Variants in FRMD4B observed in about 807,000 individuals in gnomAD.
FRMD4B encodes the protein FERM domain containing 4B, also known as FERM domain-containing protein 4B.
In FRMD4B, 74 loss-of-function variants were observed where a neutral mutation model predicts 141.5. That is an observed-to-expected ratio of 0.52 (90% CI 0.43 to 0.63). The LOEUF is 0.63. FRMD4B is among the 30% of genes least tolerant of loss of function. FRMD4B has a pLI of 0.00. For missense variants in FRMD4B, 1,366 were observed against 1,253.4 expected (o/e 1.09, Z -1.36); for synonymous variants, 506 against 467.9 (o/e 1.08, Z -1.05).
At chr3:69,329,165 A>G (rs573275209) in intron 1 of FRMD4B, among the ~76,000 whole-genome samples, 25 of 152,172 alleles carry the variant, frequency 1.6e-4, no homozygotes, top group Non-Finnish European at 2.9e-4. Flanking sequence ...CACGTGATAA[A>G]GATGAACAAA....
intron 1 of FRMD4B, among the ~76,000 whole-genome samples, chr3:69,479,157 T>G (rs993362783): frequency 2.0e-5 from 3 of 150,362 alleles, no homozygotes; most frequent in African/African-American, 7.4e-5. Context: ...TGACTCTTTA[T>G]CCAATTTGCC....
At chr3:69,519,195 G>T (rs1333354082) in intron 1 of FRMD4B, among the ~76,000 whole-genome samples, 2 of 152,194 alleles carry the variant, frequency 1.3e-5, no homozygotes, top group Admixed American at 6.5e-5. Context: ...ATATTACCAA[G>T]GTTTGGGAAG....
intron 1 of FRMD4B, among the ~76,000 whole-genome samples, chr3:69,350,994 G>A (rs1703127862): frequency 6.6e-6 from 1 of 151,834 alleles, no homozygotes; most frequent in Admixed American, 6.6e-5. Flanking sequence ...AATAAAAAAA[G>A]AAAACCAAAT....
At chr3:69,357,496 C>CGTTA (rs1226014863) in intron 1 of FRMD4B, among the ~76,000 whole-genome samples, 1 of 152,178 alleles carries the variant, frequency 6.6e-6, no homozygotes, top group African/African-American at 2.4e-5. Context: ...GGATGATCAC[C>CGTTA]TAACTGGTGA....
rs1553696831 is a variant in FRMD4B at position 69,188,775 on chromosome 3, A to AAAAAAAAAAAAAAAC, written c.1772-859_1772-858insGTTTTTTTTTTTTTT. 1.2e-3 allele frequency among the ~76,000 whole-genome samples: 182 copies of AAAAAAAAAAAAAAAC among 148,184 alleles called. 5 individuals are homozygous for AAAAAAAAAAAAAAAC. In the East Asian group the frequency reaches 0.028, roughly 23 times the overall value. On this transcript the variant is annotated intron_variant, in intron 18 of 22. Coordinates refer to ENST00000398540, the MANE Select transcript of FRMD4B (RefSeq NM_015123.3). ...CGAGACTCCGTCTCAAAAAAAAAAA[A>AAAAAAAAAAAAAAAC]AAAAAAAAACTTGGGGAAGATAAAG... is the stretch of plus-strand genomic sequence containing the variant.
intron 5 of FRMD4B, among the ~76,000 whole-genome samples, chr3:69,254,447 A>G (rs960216449): frequency 6.6e-6 from 1 of 152,192 alleles, no homozygotes; most frequent in Non-Finnish European, 1.5e-5. Flanking sequence ...GATGAGAAAC[A>G]GGACAGGATA....
At chr3:69,244,517 C>T (rs9872555) in intron 7 of FRMD4B, among the ~76,000 whole-genome samples, 2,674 of 152,260 alleles carry the variant, frequency 0.018, 78 homozygotes, top group African/African-American at 0.061. Context: ...CCTGTAGTCC[C>T]AGCTGCTTGG....
chr3:69,365,876 C>T (rs1284129786), intron 1 of FRMD4B, among the ~76,000 whole-genome samples: 7 of 152,166 alleles, frequency 4.6e-5, no homozygotes, highest in South Asian at 2.1e-4. Flanking sequence ...GAAATGCTCC[C>T]ACAAATGTTT....
At chr3:69,475,139 G>T (rs568769157) in intron 1 of FRMD4B, among the ~76,000 whole-genome samples, 3 of 152,178 alleles carry the variant, frequency 2.0e-5, no homozygotes, top group African/African-American at 7.2e-5. Context: ...CTGTTGTGAG[G>T]ATCACAGTCT....
intron 11 of FRMD4B, among the ~76,000 whole-genome samples, chr3:69,215,721 T>A (rs79046758): frequency 6.6e-6 from 1 of 152,268 alleles, no homozygotes; most frequent in East Asian, 1.9e-4. Context: ...CATTGAGAGA[T>A]CACTAGCACC....
chr3:69,431,132 G>A (rs1384402954), intron 2 of FRMD4B, among the ~76,000 whole-genome samples: 1 of 152,232 alleles, frequency 6.6e-6, no homozygotes, highest in African/African-American at 2.4e-5. Context: ...AGGGAGCTAA[G>A]GAGGTGAGGC....
intron 4 of FRMD4B, among the ~76,000 whole-genome samples, chr3:69,295,669 T>A (rs775619933): frequency 4.6e-5 from 7 of 152,026 alleles, no homozygotes; most frequent in Middle Eastern, 3.2e-3. Context: ...CTGCTAAAGA[T>A]CCTACAGCAC....
intron 1 of FRMD4B, among the ~76,000 whole-genome samples, chr3:69,487,508 A>G (rs1314382731): frequency 1.3e-5 from 2 of 152,228 alleles, no homozygotes; most frequent in Non-Finnish European, 2.9e-5. Flanking sequence ...ACTGGTCAGG[A>G]GACTCCACTA....
rs186371627 is a variant in FRMD4B at position 69,234,120 on chromosome 3, C to T, written c.582-9430G>A. 1.8e-3 allele frequency among the ~76,000 whole-genome samples: 273 copies of T among 151,870 alleles called. 2 individuals carry two copies. Among genetic ancestry groups the T allele is most frequent in the African/African-American group, 6.2e-3 (255 of 41,396 alleles). ...AATTAGCTGGGCCTGGTGGCGCGTG[C>T]GTGTAGTCCCAGTTACTCAGGAGGC... On this transcript the variant is annotated intron_variant, in intron 7 of 22. Transcript: ENST00000398540.
chr3:69,346,147 G>A (rs913785887), intron 1 of FRMD4B, among the ~76,000 whole-genome samples: 1 of 152,038 alleles, frequency 6.6e-6, no homozygotes, highest in Non-Finnish European at 1.5e-5. Context: ...ATGACCTGAT[G>A]GAGCTGAAAA....
At chr3:69,534,813 T>C (rs1456410714) in intron 1 of FRMD4B, among the ~76,000 whole-genome samples, 1 of 152,242 alleles carries the variant, frequency 6.6e-6, no homozygotes, top group Non-Finnish European at 1.5e-5. Context: ...TCAGTTTTCC[T>C]CATCTGTCAA....
intron 4 of FRMD4B, among the ~76,000 whole-genome samples, chr3:69,300,565 G>C (rs1195413748): frequency 2.0e-5 from 3 of 152,198 alleles, no homozygotes; most frequent in African/African-American, 7.2e-5. Flanking sequence ...AAACAGACCA[G>C]ATATTAGCTG....
intron 1 of FRMD4B, among the ~76,000 whole-genome samples, chr3:69,318,685 G>C (rs560233442): frequency 3.9e-5 from 6 of 152,328 alleles, no homozygotes; most frequent in Admixed American, 1.3e-4. Context: ...ATTTAAATTG[G>C]AGGTGGAAAA....
intron 2 of FRMD4B, among the ~76,000 whole-genome samples, chr3:69,422,382 G>GAAAAAAAAAAA (rs374932228): frequency 8.1e-6 from 1 of 122,844 alleles, no homozygotes. Flanking sequence ...GCGAGACTCT[G>GAAAAAAAAAAA]AAAAAAAAAA....
Sources: gnomAD v4.1 joint callset for allele counts (sites outside exome capture counted in the v4.1 genomes callset) on GRCh38, gnomAD v4.1.1 for gene constraint, MANE v1.5 for transcripts, NCBI Gene and HGNC (gene_info 2026-07-23, HGNC 2026-07-21) for gene names.